AHI1: variants seen among roughly 807,000 people sequenced by gnomAD.
The protein encoded by AHI1 is jouberin.
AHI1 carries 123 observed loss-of-function variants against 149.3 expected under a neutral mutation model. That is an observed-to-expected ratio of 0.82 (90% confidence interval 0.71 to 0.96). The LOEUF (loss-of-function observed/expected upper bound fraction) is 0.96. Ranked by LOEUF, AHI1 falls within the 40% of genes least tolerant of loss-of-function variation. The probability of loss-of-function intolerance (pLI) is 0.00; values close to 1 mark genes in which losing one functional copy is unlikely to be tolerated. For missense variants in AHI1, 1,439 were observed against 1,422.7 expected (o/e 1.01, Z -0.18); for synonymous variants, 475 against 459.8 (o/e 1.03, Z -0.42).
At chr6:135,343,002 G>A (rs1790613025) in intron 24 of AHI1, among the ~76,000 whole-genome samples, 1 of 149,764 alleles carries the variant, frequency 6.7e-6, no homozygotes, top group Non-Finnish European at 1.5e-5. Flanking sequence ...TCTATTAGTA[G>A]AGTATGCAGA....
intron 10 of AHI1, 72 bp from the exon 11 acceptor site, chr6:135,453,508 T>A (rs1411508382): frequency 1.8e-6 from 2 of 1,103,076 alleles, no homozygotes; most frequent in Admixed American, 2.5e-5. Context: ...ATTAAAACTT[T>A]AAAAAATCAT....
chr6:135,355,638 T>C (rs1240977012), intron 24 of AHI1, among the ~76,000 whole-genome samples: 2 of 152,110 alleles, frequency 1.3e-5, no homozygotes, highest in African/African-American at 4.8e-5. Flanking sequence ...CGGTGGCTCA[T>C]GCCTGTAATC....
At chr6:135,338,589 C>T (rs1057344975) in intron 24 of AHI1, among the ~76,000 whole-genome samples, 5 of 152,210 alleles carry the variant, frequency 3.3e-5, no homozygotes, top group Non-Finnish European at 7.3e-5. Context: ...CTGGGATTAA[C>T]TGTCAAAATC....
At chr6:135,389,179 C>T (rs1234261242) in intron 23 of AHI1, among the ~76,000 whole-genome samples, 16 of 151,584 alleles carry the variant, frequency 1.1e-4, no homozygotes, top group Admixed American at 9.9e-4. Context: ...GGCATGGTGG[C>T]GGGCACCTGT....
At chr6:135,380,649 T>C (rs1776602628) in intron 23 of AHI1, among the ~76,000 whole-genome samples, 1 of 151,658 alleles carries the variant, frequency 6.6e-6, no homozygotes, top group Admixed American at 6.6e-5. Context: ...AAGTATGCAC[T>C]GGGTACTTAC....
chr6:135,370,317 T>C (rs1342207590), intron 23 of AHI1, among the ~76,000 whole-genome samples: 2 of 152,192 alleles, frequency 1.3e-5, no homozygotes, highest in Admixed American at 6.5e-5. Flanking sequence ...TAGGGGGACT[T>C]TGGGATTTAA....
At chr6:135,288,797 T>C (rs962907921) in intron 28 of AHI1, among the ~76,000 whole-genome samples, 1 of 151,924 alleles carries the variant, frequency 6.6e-6, no homozygotes, top group Non-Finnish European at 1.5e-5. Context: ...TTCCTTGAAG[T>C]TGAACTGTCA....
At chr6:135,419,582 C>A (rs974433981) in intron 20 of AHI1, among the ~76,000 whole-genome samples, 3 of 152,020 alleles carry the variant, frequency 2.0e-5, no homozygotes, top group Non-Finnish European at 4.4e-5. Flanking sequence ...AGCATTATGT[C>A]TAAAAAATCA....
intron 23 of AHI1, among the ~76,000 whole-genome samples, chr6:135,390,064 A>G (rs1321459018): frequency 2.0e-5 from 3 of 151,908 alleles, no homozygotes; most frequent in Admixed American, 2.0e-4. Context: ...GTATTAGCGT[A>G]TCTTATGTGC....
At chr6:135,420,801 GTGTTCAC>G (rs1429611993) in intron 20 of AHI1, among the ~76,000 whole-genome samples, 2 of 152,120 alleles carry the variant, frequency 1.3e-5, no homozygotes, top group Non-Finnish European at 2.9e-5. Context: ...TGTCATTTGT[GTGTTCAC>G]TGATGAAGAA....
At chr6:135,297,425 GC>G (rs1783247388) in intron 27 of AHI1, 1 of 455,812 alleles carries the variant, frequency 2.2e-6, no homozygotes, top group African/African-American at 2.0e-5. Flanking sequence ...AAAAACTCAA[GC>G]CTTACCTTTA....
chr6:135,376,229 G>T (rs1203161829), intron 23 of AHI1, among the ~76,000 whole-genome samples: 2 of 152,098 alleles, frequency 1.3e-5, no homozygotes, highest in Non-Finnish European at 2.9e-5. Flanking sequence ...ATCATCAATG[G>T]ACACTGAAAT....
At chr6:135,453,584 C>A in intron 10 of AHI1, 148 bp from the exon 11 acceptor site, 1 of 640,600 alleles carries the variant, frequency 1.6e-6, no homozygotes. Flanking sequence ...ATTTCATTCA[C>A]CTTAAAGTTA....
At chr6:135,294,141 A>G (rs1461169836) in intron 27 of AHI1, among the ~76,000 whole-genome samples, 1 of 152,062 alleles carries the variant, frequency 6.6e-6, no homozygotes, top group Non-Finnish European at 1.5e-5. Context: ...CCTGGCCAAC[A>G]TAGTGAAACC....
chr6:135,412,713 C>T lies in AHI1; in HGVS notation c.2765-1169G>A, dbSNP rs1470422610. Among the ~76,000 whole-genome samples, 6 of 152,204 alleles carry T rather than the reference C, an allele frequency of 3.9e-5. No homozygotes were observed. The East Asian group carries it at 7.7e-4, about 20-fold the overall frequency. On this transcript the variant is annotated intron_variant, in intron 20 of 28. Transcript: ENST00000265602. ...ATACAAAGGAGAAAAAATATATAAA[C>T]TCATCATTTAAAAAAGTATTTCCTT...
At chr6:135,385,803 A>G (rs1401484007) in intron 23 of AHI1, among the ~76,000 whole-genome samples, 1 of 152,182 alleles carries the variant, frequency 6.6e-6, no homozygotes, top group Non-Finnish European at 1.5e-5. Context: ...GCCTGCCACA[A>G]AACAAAAACA....
Position 135,394,849 on chromosome 6 carries a change from T to C in AHI1, c.3036A>G (p.Gln1012=). 2 of 1,606,142 alleles carry C rather than the reference T, an allele frequency of 1.2e-6. No homozygotes were observed. Among genetic ancestry groups the C allele is most frequent in the Non-Finnish European group, 1.7e-6 (2 of 1,175,748 alleles). ...SFTSPPAVSS[Q]QSKLKQSNML... is the part of the protein sequence containing the mutation. The stretch of plus-strand genomic sequence containing the variant: ...TGTTTGACTGCTTTAACTTAGACTG[T>C]TGTGAGGAAACTGCTGGTGGTGAAG... The change falls in exon 23 of 29, where the codon CAA becomes CAG. Residue 1012 remains glutamine (Q), a synonymous_variant. Coordinates refer to ENST00000265602, the MANE Select transcript of AHI1 (RefSeq NM_001134831.2).
chr6:135,387,769 C>A, intron 23 of AHI1: 9 of 1,208,580 alleles, frequency 7.4e-6, no homozygotes, highest in South Asian at 7.8e-5. Context: ...AAAAAAAAAT[C>A]AAAAAAGCCT....
chr6:135,454,534 G>C (rs139629857), intron 10 of AHI1, among the ~76,000 whole-genome samples: 2 of 152,154 alleles, frequency 1.3e-5, no homozygotes, highest in East Asian at 3.9e-4. Context: ...TCACGGACTT[G>C]TCATTTTTTT....
Sources: allele counts gnomAD v4.1 joint callset (sites outside exome capture counted in the v4.1 genomes callset), GRCh38; gene constraint gnomAD v4.1.1; transcripts MANE v1.5; gene names NCBI Gene and HGNC (gene_info 2026-07-23, HGNC 2026-07-21).